The following YBEY variants were observed in gnomAD, a reference collection of about 807,000 sequenced individuals.
The protein encoded by YBEY is endoribonuclease YbeY.
In YBEY, 15 loss-of-function variants were observed where a neutral mutation model predicts 13.5. That is an observed-to-expected ratio of 1.11 (90% CI 0.75 to 1.72). YBEY has a LOEUF of 1.72. Ranked by LOEUF, YBEY falls within the 40% of genes most tolerant of loss-of-function variation. YBEY has a pLI of 0.00. For missense variants in YBEY, 244 were observed against 208.4 expected (o/e 1.17, Z -1.05); for synonymous variants, 101 against 83.1 (o/e 1.21, Z -1.17).
chr21:46,296,305 C>A (rs2081950158), intron 4 of YBEY, 75 bp downstream of exon 4: 2 of 1,560,076 alleles, frequency 1.3e-6, no homozygotes, highest in South Asian at 1.1e-5. Flanking sequence ...TGCCAGCCCC[C>A]ACCCTCCATC....
downstream of YBEY, chr21:46,300,831 T>TA (rs2082083373): frequency 4.9e-6 from 6 of 1,226,516 alleles, no homozygotes; most frequent in Non-Finnish European, 6.4e-6. Context: ...GTATACTACT[T>TA]AAAAATATGT....
downstream of YBEY, chr21:46,301,121 A>T: frequency 8.1e-6 from 8 of 985,986 alleles, no homozygotes; most frequent in Non-Finnish European, 9.6e-6. Flanking sequence ...GGATCACGTC[A>T]TACACAGCTT....
chr21:46,301,335 C>T (rs866409909), downstream of YBEY: 17 of 344,680 alleles, frequency 4.9e-5, no homozygotes, highest in South Asian at 9.4e-4. Context: ...TTTGTAGAGA[C>T]GGGGTCTTGC....
the YBEY span, among the ~76,000 whole-genome samples, chr21:46,307,184 CT>C: frequency 6.6e-6 from 1 of 151,906 alleles, no homozygotes; most frequent in Non-Finnish European, 1.5e-5. Flanking sequence ...GTGTGAGCCG[CT>C]GCGCCCAGCC....
the YBEY span, among the ~76,000 whole-genome samples, chr21:46,305,041 G>A: frequency 1.4e-4 from 22 of 152,282 alleles, no homozygotes; most frequent in African/African-American, 5.1e-4. Flanking sequence ...TGGTTGCCAG[G>A]CACTGGCAGG....
At chr21:46,303,793 C>T in the YBEY span, among the ~76,000 whole-genome samples, 5 of 124,460 alleles carry the variant, frequency 4.0e-5, no homozygotes, top group Non-Finnish European at 8.0e-5. Context: ...GCTCTGTCGC[C>T]GAGGCTGGAG....
intron 3 of YBEY, among the ~76,000 whole-genome samples, chr21:46,293,230 A>G (rs62226490): frequency 2.8e-3 from 170 of 61,110 alleles, no homozygotes; most frequent in Middle Eastern, 0.011. Flanking sequence ...ACGCAAGTTA[A>G]ACTCTAGATT....
the YBEY span, among the ~76,000 whole-genome samples, chr21:46,311,094 A>C: frequency 1.3e-5 from 2 of 151,470 alleles, no homozygotes; most frequent in Non-Finnish European, 2.9e-5. Context: ...CTGGTCTCGA[A>C]CTCTTGACCT....
Sources: gnomAD v4.1 joint callset for allele counts (sites outside exome capture counted in the v4.1 genomes callset) on GRCh38, gnomAD v4.1.1 for gene constraint, MANE v1.5 for transcripts, NCBI Gene and HGNC (gene_info 2026-07-23, HGNC 2026-07-21) for gene names.